The following DOCK2 variants were observed in gnomAD, a reference collection of about 807,000 sequenced individuals.
DOCK2 encodes dedicator of cytokinesis 2.
In DOCK2, 87 loss-of-function variants were observed where a neutral mutation model predicts 248.9. That is an observed-to-expected ratio of 0.35 (90% CI 0.29 to 0.42). DOCK2 has a LOEUF of 0.42. Ranked by LOEUF, DOCK2 falls within the 10% of genes least tolerant of loss-of-function variation. The pLI is 1.00. For synonymous variants in DOCK2, 805 were observed against 821.6 expected, an observed-to-expected ratio of 0.98 and a Z score of 0.35; for missense variants, 1,747 against 2,300.2, an observed-to-expected ratio of 0.76 and a Z score of 4.92.
intron 1 of DOCK2, among the ~76,000 whole-genome samples, chr5:169,643,617 T>C (rs1055048082): frequency 1.3e-4 from 20 of 152,172 alleles, no homozygotes; most frequent in African/African-American, 4.8e-4. Flanking sequence ...TGCCTGCTGC[T>C]CACCTCCTGC....
chr5:169,890,516 A>G (rs1465423248), intron 27 of DOCK2, among the ~76,000 whole-genome samples: 1 of 152,164 alleles, frequency 6.6e-6, no homozygotes, highest in Non-Finnish European at 1.5e-5. Flanking sequence ...CTAATTTTCC[A>G]AATTATATAT....
Position 169,733,390 on chromosome 5 carries a change from T to C in DOCK2, c.2268-14006T>C, listed in dbSNP as rs544407082. On this transcript the variant is annotated intron_variant, in intron 22 of 51. Transcript: ENST00000520908. ...ATTATGCAGCATTTTAGTTTTACTT[T>C]CTAAAAATAACTCCACATACTAGAT... 2.0e-5 allele frequency among the ~76,000 whole-genome samples: 3 copies of C among 151,860 alleles called. No individual in the cohort carries two copies. In the East Asian group the frequency reaches 5.8e-4, roughly 29 times the overall value.
chr5:169,983,218 A>G (rs1777985517), intron 28 of DOCK2, 52 bp downstream of exon 28: 3 of 1,581,668 alleles, frequency 1.9e-6, no homozygotes, highest in Admixed American at 1.7e-5. Flanking sequence ...TCTCTGGAAC[A>G]TGGCTTCTGT....
At position 170,083,121 on chromosome 5, in the gene DOCK2, A is replaced by G; in HGVS notation, c.*263A>G. 1 of 482,902 alleles carries G rather than the reference A, an allele frequency of 2.1e-6. No homozygotes were observed. Among genetic ancestry groups the G allele is most frequent in the Middle Eastern group, 5.5e-4 (1 of 1,818 alleles). The allele number at this position is 482,902 out of a possible 1,614,324, so 29.9% of individuals were successfully genotyped here. On this transcript the variant is annotated 3_prime_UTR_variant, in exon 52 of 52. Coordinates refer to ENST00000520908, the MANE Select transcript of DOCK2 (RefSeq NM_004946.3). ...GGTACCAGCAAGAATGCCTTCTCCC[A>G]GTGTGCTCTCCCCAACATCCTAGGC...
intron 2 of DOCK2, among the ~76,000 whole-genome samples, chr5:169,662,326 G>A (rs953677865): frequency 1.3e-5 from 2 of 152,040 alleles, no homozygotes; most frequent in Non-Finnish European, 2.9e-5. Context: ...TTATACTATT[G>A]AGTTATATGA....
intron 25 of DOCK2, among the ~76,000 whole-genome samples, chr5:169,798,259 C>A (rs1766771051): frequency 6.6e-6 from 1 of 152,202 alleles, no homozygotes; most frequent in Non-Finnish European, 1.5e-5. Context: ...TTGCATGTGG[C>A]CTTAATAATC....
At chr5:169,736,020 T>C (rs891193554) in intron 22 of DOCK2, among the ~76,000 whole-genome samples, 2 of 151,966 alleles carry the variant, frequency 1.3e-5, no homozygotes, top group African/African-American at 4.8e-5. Context: ...TACACACTTT[T>C]AAACAACCAG....
At chr5:169,674,595 C>T (rs2244445) in intron 6 of DOCK2, 150 bp downstream of exon 6, 718,147 of 1,184,004 alleles carry the variant, frequency 0.61, 220,902 homozygotes, top group South Asian at 0.71. Flanking sequence ...GCTTGCGTGC[C>T]GTTGTTACCA....
At chr5:169,775,641 TG>T (rs1765345621) in intron 25 of DOCK2, among the ~76,000 whole-genome samples, 1 of 152,036 alleles carries the variant, frequency 6.6e-6, no homozygotes. Context: ...ATTATAAATA[TG>T]ATAACTTATA....
rs70979150 is a variant in DOCK2, at chr5:169,961,978, C to CAAAAAAAAAAAAAAAAAAA, written c.2800-21073_2800-21072insAAAAAAAAAAAAAAAAAAA. ...TGGGTGAAAAAGTGAGACTCTGTCC[C>CAAAAAAAAAAAAAAAAAAA]AAAAAAAAAAAAAAAAATGGAGAAA... On this transcript the variant is annotated intron_variant, in intron 27 of 51. Coordinates refer to ENST00000520908, the MANE Select transcript of DOCK2 (RefSeq NM_004946.3). Among the ~76,000 whole-genome samples, 595 of 74,508 alleles carry CAAAAAAAAAAAAAAAAAAA rather than the reference C, an allele frequency of 8.0e-3. 166 individuals are homozygous for CAAAAAAAAAAAAAAAAAAA. The highest frequency in any genetic ancestry group is 0.01 in the African/African-American group (152 of 14,766). 48.9% of individuals were successfully genotyped at this position (74,508 alleles called of 152,430 possible).
At chr5:170,067,815 C>A in intron 45 of DOCK2, 129 bp downstream of exon 45, 3 of 1,045,558 alleles carry the variant, frequency 2.9e-6, no homozygotes, top group Non-Finnish European at 4.1e-6. Flanking sequence ...GAGGGACCCT[C>A]AGCTTGGTTG....
rs543405580 is a variant in DOCK2 at position 169,943,387 on chromosome 5, G to A, written c.2800-39681G>A. ...CTTAGGTCCTGGACCTGTGGCCCGC[G>A]GGCCATATTCTACACAGGAATATGG... On this transcript the variant is annotated intron_variant, in intron 27 of 51. Transcript: ENST00000520908. Among the ~76,000 whole-genome samples, 37 of 152,042 alleles carry A rather than the reference G, an allele frequency of 2.4e-4. No individual in the cohort carries two copies. In the East Asian group the frequency reaches 6.0e-3, roughly 25 times the overall value.
At chr5:169,807,842 A>G (rs1343363103) in intron 26 of DOCK2, among the ~76,000 whole-genome samples, 1 of 149,714 alleles carries the variant, frequency 6.7e-6, no homozygotes, top group East Asian at 1.9e-4. Context: ...TCAAAAAAAA[A>G]AAAAAAAAAA....
rs3734099 is a variant in DOCK2, at chr5:169,695,799, C to A, written c.844-4C>A. On this transcript the variant is annotated splice_region_variant and splice_polypyrimidine_tract_variant and intron_variant, in intron 9 of 51. Transcript: ENST00000520908. ...TGGTCAATTTTTTGTTTCTTTCCCC[C>A]CAGGATCTTGGAAACAAAGACCTCA... 0.12 allele frequency: 190,015 copies of A among 1,612,618 alleles called. 13,785 individuals carry two copies. Among genetic ancestry groups the A allele is most frequent in the African/African-American group, 0.36 (26,651 of 74,752 alleles).
intron 27 of DOCK2, chr5:169,864,361 T>G: frequency 6.4e-7 from 1 of 1,551,606 alleles, no homozygotes; most frequent in Non-Finnish European, 8.7e-7. Flanking sequence ...TGCTGGGGAC[T>G]TTGGTGGGGG....
intron 49 of DOCK2, chr5:170,079,415 G>A (rs900661251): frequency 5.2e-6 from 2 of 383,838 alleles, no homozygotes; most frequent in African/African-American, 4.1e-5. Context: ...CCATCACACA[G>A]GGCTTTTCCA....
intron 30 of DOCK2, 59 bp from the exon 31 acceptor site, chr5:170,008,438 G>C (rs370118475): frequency 4.5e-6 from 7 of 1,561,902 alleles, no homozygotes; most frequent in Non-Finnish European, 6.2e-6. Flanking sequence ...ACTACCCAGC[G>C]CTTATGCCTT....
intron 27 of DOCK2, among the ~76,000 whole-genome samples, chr5:169,921,422 T>A (rs1282324769): frequency 1.3e-5 from 2 of 152,174 alleles, no homozygotes; most frequent in Non-Finnish European, 2.9e-5. Context: ...AGGACTGCTG[T>A]GATATTCTTT....
intron 2 of DOCK2, among the ~76,000 whole-genome samples, chr5:169,661,506 C>A (rs956260412): frequency 6.6e-6 from 1 of 152,160 alleles, no homozygotes; most frequent in African/African-American, 2.4e-5. Context: ...AGCTCAAATA[C>A]AGTACAATTT....
Sources: allele counts gnomAD v4.1 joint callset (sites outside exome capture counted in the v4.1 genomes callset), GRCh38; gene constraint gnomAD v4.1.1; transcripts MANE v1.5; gene names NCBI Gene and HGNC (gene_info 2026-07-23, HGNC 2026-07-21).